MTAP: variants seen among roughly 807,000 people sequenced by gnomAD.
MTAP encodes methylthioadenosine phosphorylase.
MTAP carries 33 observed loss-of-function variants against 33.6 expected under a neutral mutation model. The ratio of observed to expected loss-of-function variants is 0.98; its 90% CI spans 0.74 to 1.31. The LOEUF is 1.31. MTAP is among the 40% of genes most tolerant of loss of function. MTAP has a pLI of 0.00. For missense variants in MTAP, 367 were observed against 360.0 expected (o/e 1.02, Z -0.16); for synonymous variants, 148 against 125.7 (o/e 1.18, Z -1.19).
chr9:21,834,695 G>T (rs569555860), intron 4 of MTAP, among the ~76,000 whole-genome samples: 1 of 152,262 alleles, frequency 6.6e-6, no homozygotes, highest in South Asian at 2.1e-4. Flanking sequence ...AAGACATGCC[G>T]CACACCTAGT....
At chr9:21,846,595 G>T (rs1189302770) in intron 5 of MTAP, among the ~76,000 whole-genome samples, 2 of 152,148 alleles carry the variant, frequency 1.3e-5, no homozygotes, top group Non-Finnish European at 2.9e-5. Context: ...AATAGATATT[G>T]GTGTAGATGT....
chr9:21,877,244 T>G (rs1826025546), intron 1 of MTAP, among the ~76,000 whole-genome samples: 1 of 152,142 alleles, frequency 6.6e-6, no homozygotes, highest in Non-Finnish European at 1.5e-5. Flanking sequence ...GTTTATGTGG[T>G]GAAGGAGATT....
intron 1 of MTAP, among the ~76,000 whole-genome samples, chr9:21,883,300 GA>G (rs1312952159): frequency 6.6e-6 from 1 of 152,058 alleles, no homozygotes; most frequent in African/African-American, 2.4e-5. Context: ...TTAGTGATAA[GA>G]GAAATGAAAA....
At chr9:21,859,026 C>T (rs1234018095) in intron 6 of MTAP, 10 of 245,738 alleles carry the variant, frequency 4.1e-5, no homozygotes, top group Non-Finnish European at 1.5e-5. Flanking sequence ...CATCTTCTCA[C>T]TGGAACCTCA....
At chr9:21,814,161 A>T (rs1033835515) in intron 1 of MTAP, among the ~76,000 whole-genome samples, 3 of 152,118 alleles carry the variant, frequency 2.0e-5, no homozygotes, top group African/African-American at 7.2e-5. Flanking sequence ...AAACCTCACT[A>T]AATTGTCCTT....
intron 1 of MTAP, among the ~76,000 whole-genome samples, chr9:21,808,023 C>G (rs1824250525): frequency 6.6e-6 from 1 of 152,220 alleles, no homozygotes; most frequent in African/African-American, 2.4e-5. Flanking sequence ...CAAAGCGTGT[C>G]ATGCATTCAT....
At chr9:21,885,779 GGTGTGTGT>G (rs34691018) in intron 1 of MTAP, among the ~76,000 whole-genome samples, 6,897 of 144,368 alleles carry the variant, frequency 0.048, 386 homozygotes, top group African/African-American at 0.13. Context: ...AGTATTACAT[GGTGTGTGT>G]GTGTGTGTGT....
Position 21,876,226 on chromosome 9 carries a change from T to C in MTAP, c.147+21356T>C, listed in dbSNP as rs918721644. The stretch of plus-strand genomic sequence containing the variant: ...CCCACTTTTAAATGGGGTTTTTTTT[T>C]CTTGTAAATTTGTTTAAGTTCCTTA... On this transcript the variant is annotated intron_variant, in intron 1 of 1. Coordinates refer to the MTAP transcript ENST00000577563. Among the ~76,000 whole-genome samples, 10 of 152,136 alleles carry C rather than the reference T, an allele frequency of 6.6e-5. No individual in the cohort carries two copies. The South Asian group carries it at 8.3e-4, about 13-fold the overall frequency.
chr9:21,832,990 T>C (rs1298026335), intron 4 of MTAP, among the ~76,000 whole-genome samples: 1 of 152,200 alleles, frequency 6.6e-6, no homozygotes, highest in East Asian at 1.9e-4. Flanking sequence ...TTTTGTGCTA[T>C]TGTTTAGCAT....
chr9:21,906,979 A>C (rs1242952946), intron 1 of MTAP, among the ~76,000 whole-genome samples: 1 of 152,234 alleles, frequency 6.6e-6, no homozygotes, highest in Non-Finnish European at 1.5e-5. Flanking sequence ...TGAACCCAGT[A>C]ATTCTAAACT....
chr9:21,914,092 C>A (rs1223763194), intron 1 of MTAP, among the ~76,000 whole-genome samples: 1 of 152,168 alleles, frequency 6.6e-6, no homozygotes, highest in Non-Finnish European at 1.5e-5. Context: ...TACCATCTCA[C>A]ACCAGTTAGA....
chr9:21,872,378 TA>T (rs1825950437), intron 1 of MTAP, among the ~76,000 whole-genome samples: 1 of 152,080 alleles, frequency 6.6e-6, no homozygotes, highest in Non-Finnish European at 1.5e-5. Context: ...GTAAAACCAA[TA>T]TTTTTTTTAA....
chr9:21,919,476 G>A (rs1264367289), intron 1 of MTAP, among the ~76,000 whole-genome samples: 2 of 152,210 alleles, frequency 1.3e-5, no homozygotes, highest in Non-Finnish European at 2.9e-5. Context: ...TGGAAGTGAG[G>A]TTAAGAGAAG....
chr9:21,841,697 C>G (rs117808652), intron 5 of MTAP, among the ~76,000 whole-genome samples: 73 of 142,494 alleles, frequency 5.1e-4, no homozygotes, highest in South Asian at 2.0e-3. Flanking sequence ...TGCAGTCCAG[C>G]TCTCAGGAAG....
At chr9:21,889,678 C>G (rs1263632178) in intron 1 of MTAP, among the ~76,000 whole-genome samples, 1 of 152,062 alleles carries the variant, frequency 6.6e-6, no homozygotes, top group Non-Finnish European at 1.5e-5. Context: ...GGTCTAGCCT[C>G]CCAGCAGAGC....
chr9:21,915,089 C>A (rs139229875), intron 1 of MTAP, among the ~76,000 whole-genome samples: 74 of 124,052 alleles, frequency 6.0e-4, no homozygotes, highest in African/African-American at 2.6e-3. Context: ...TCTTTCCTTT[C>A]TTTCTTTTCT....
At chr9:21,902,567 T>G (rs748558181) in intron 1 of MTAP, among the ~76,000 whole-genome samples, 4 of 152,218 alleles carry the variant, frequency 2.6e-5, no homozygotes, top group Non-Finnish European at 5.9e-5. Context: ...AAGTCAATCC[T>G]TAGAGGGACT....
intron 5 of MTAP, among the ~76,000 whole-genome samples, chr9:21,843,869 C>T (rs1221886539): frequency 1.3e-5 from 2 of 151,938 alleles, no homozygotes; most frequent in African/African-American, 4.8e-5. Flanking sequence ...CAAACCCAAA[C>T]CTAGCAGAAG....
intron 1 of MTAP, among the ~76,000 whole-genome samples, chr9:21,814,491 AG>A (rs1824429280): frequency 6.6e-6 from 1 of 152,186 alleles, no homozygotes; most frequent in African/African-American, 2.4e-5. Context: ...ACTCTCTAGG[AG>A]GTACCAGCCC....
Sources: gnomAD v4.1 joint callset for allele counts (sites outside exome capture counted in the v4.1 genomes callset) on GRCh38, gnomAD v4.1.1 for gene constraint, MANE v1.5 for transcripts, NCBI Gene and HGNC (gene_info 2026-07-23, HGNC 2026-07-21) for gene names.